The following KLRC1 variants were observed in gnomAD, a reference collection of about 807,000 sequenced individuals.
KLRC1 encodes the protein NKG2-A/NKG2-B type II integral membrane protein.
KLRC1 carries 22 observed loss-of-function variants against 25.9 expected under a neutral mutation model. The ratio of observed to expected loss-of-function variants is 0.85; its 90% CI spans 0.61 to 1.21. The LOEUF (loss-of-function observed/expected upper bound fraction) is 1.21, where lower values mean the gene tolerates loss of function less well. Ranked by LOEUF, KLRC1 falls within the 50% of genes most tolerant of loss-of-function variation. The probability of loss-of-function intolerance (pLI) is 0.00; values close to 1 mark genes in which losing one functional copy is unlikely to be tolerated. For synonymous variants in KLRC1, 77 were observed against 93.1 expected (o/e 0.83, Z 0.99); for missense variants, 240 against 272.2 (o/e 0.88, Z 0.83).
chr12:10,454,629 G>A, upstream of KLRC1: 1 of 985,312 alleles, frequency 1.0e-6, no homozygotes, highest in Non-Finnish European at 1.2e-6. Flanking sequence ...GCTGACCTCT[G>A]TCCTACAGAA....
At chr12:10,449,490 A>G (rs1004480189) in intron 4 of KLRC1, 102 bp from the exon 5 acceptor site, 2 of 1,519,634 alleles carry the variant, frequency 1.3e-6, no homozygotes, top group Non-Finnish European at 1.8e-6. Context: ...TATGCAACAT[A>G]TCTATACATC....
Position 10,449,333 on chromosome 12 carries a change from G to A in KLRC1, c.393C>T (p.Tyr131=), listed in dbSNP as rs770430465. 4.9e-5 allele frequency: 79 copies of A among 1,613,788 alleles called. No individual in the cohort carries two copies. Among genetic ancestry groups the A allele is most frequent in the Middle Eastern group, 3.3e-4 (2 of 6,080 alleles). The change falls in exon 5 of 7, where the codon TAC becomes TAT. Residue 131 remains tyrosine, a synonymous_variant. Coordinates refer to ENST00000359151, the MANE Select transcript of KLRC1 (RefSeq NM_002259.5). ...AAGTTCTTCTTTCCTTACCAATGTAGTAACAACTGTTGGAATATGTAATCC... is the reference window on the plus strand; with the variant it reads ...AAGTTCTTCTTTCCTTACCAATGTAATAACAACTGTTGGAATATGTAATCC... ...EEWITYSNSC[Y]YIGKERRTWE... is the part of the protein sequence containing the mutation.
rs190626722 is a variant in KLRC1 at position 10,446,159 on chromosome 12, T to C, written c.*392A>G. The stretch of plus-strand genomic sequence containing the variant: ...TACAACCATCACCACTACTGAAATT[T>C]AGAAAGTTTTCATCACGACACAAAG... On this transcript the variant is annotated 3_prime_UTR_variant, in exon 7 of 7. Transcript: ENST00000359151. 39 of 174,234 alleles carry C rather than the reference T, an allele frequency of 2.2e-4. No individual in the cohort carries two copies. The highest frequency in any genetic ancestry group is 1.0e-3 in the Admixed American group (18 of 18,050). 10.8% of individuals were successfully genotyped at this position (174,234 alleles called of 1,614,324 possible).
At chr12:10,442,363 A>C, downstream of KLRC1, 2 of 397,366 alleles carry the variant, frequency 5.0e-6, no homozygotes, top group Non-Finnish European at 4.6e-6. Flanking sequence ...ACAGAGTTTA[A>C]ACACTTGGTA....
In KLRC1 at chr12:10,451,126, G is replaced by C. The variant is rs1864118053; in HGVS notation, c.31C>G (p.Leu11Val). The C allele has an allele frequency of 6.2e-7, 1 of 1,613,774 alleles. No homozygotes were observed. Among genetic ancestry groups the C allele is most frequent in the African/African-American group, 1.3e-5 (1 of 74,906 alleles). MDNQGVIYSDLNLPPNPKRQQ... is the reference protein window; with the variant it reads MDNQGVIYSDVNLPPNPKRQQ... Reference sequence around the variant, plus strand: ...CTCTTTGGGTTTGGGGGCAGATTCAGGTCTGAGTAGATTACTCCTTGGTTA... The same window carrying C: ...CTCTTTGGGTTTGGGGGCAGATTCACGTCTGAGTAGATTACTCCTTGGTTA... Residue 11 changes from leucine to valine, a missense_variant, in exon 2 of 7, where the codon CTG becomes GTG. Physicochemically the swap from Leu to Val is conservative, Grantham distance 32. Coordinates refer to ENST00000359151, the MANE Select transcript of KLRC1 (RefSeq NM_002259.5).
chr12:10,444,171 A>T (rs71450058), downstream of KLRC1, among the ~76,000 whole-genome samples: 42 of 138,990 alleles, frequency 3.0e-4, 5 homozygotes, highest in South Asian at 1.1e-3. Context: ...AAAATTAAAT[A>T]ACCATTGAAT....
downstream of KLRC1, among the ~76,000 whole-genome samples, chr12:10,444,099 T>G (rs531289443): frequency 1.6e-4 from 22 of 137,800 alleles, 6 homozygotes; most frequent in African/African-American, 6.3e-4. Flanking sequence ...GAAAATAGAA[T>G]GAAAATCTCT....
chr12:10,452,178 A>G (rs113151515), intron 1 of KLRC1, among the ~76,000 whole-genome samples: 54 of 152,152 alleles, frequency 3.5e-4, no homozygotes, highest in Non-Finnish European at 6.5e-4. Context: ...TTTAATTAGT[A>G]ATTGGTAATT....
rs1432856763 is a variant in KLRC1 at position 10,451,062 on chromosome 12, A to G, written c.95T>C (p.Leu32Ser). 8 of 1,614,050 alleles carry G rather than the reference A, an allele frequency of 5.0e-6. No homozygotes were observed. The South Asian group carries it at 7.7e-5, about 16-fold the overall frequency. Residue 32 changes from leucine (L) to serine (S), a missense_variant, in exon 2 of 7, where the codon TTA becomes TCA. Coordinates refer to ENST00000359151, the MANE Select transcript of KLRC1 (RefSeq NM_002259.5). Reference protein sequence around the residue: ...RKPKGNKNSILATEQEITYAE... With the variant: ...RKPKGNKNSISATEQEITYAE... Reference sequence around the variant, plus strand: ...ATAGGTTATTTCCTGTTCAGTTGCTAAAATGGAGTTTTTATTGCCTTTAGG... The same window carrying G: ...ATAGGTTATTTCCTGTTCAGTTGCTGAAATGGAGTTTTTATTGCCTTTAGG...
intron 5 of KLRC1, 28 bp downstream of exon 5, chr12:10,449,209 T>TA: frequency 6.2e-7 from 1 of 1,613,160 alleles, no homozygotes; most frequent in Non-Finnish European, 8.5e-7. Context: ...AAGCTTTTCA[T>TA]AAAGTGTTTA....
chr12:10,444,418 G>C (rs58350988), downstream of KLRC1, among the ~76,000 whole-genome samples: 149,466 of 151,596 alleles, frequency 0.99, 73,714 homozygotes, highest in Non-Finnish European at 1. Context: ...AAATTGATAA[G>C]GGCCAGGCAC....
chr12:10,447,742 G>A (rs1391162023), intron 5 of KLRC1, 110 bp from the exon 6 acceptor site: 1 of 844,702 alleles, frequency 1.2e-6, no homozygotes. Context: ...TTTCATAAAT[G>A]TTTATAATTT....
intron 1 of KLRC1, among the ~76,000 whole-genome samples, chr12:10,452,477 T>C (rs963950579): frequency 2.6e-5 from 4 of 152,176 alleles, no homozygotes; most frequent in Non-Finnish European, 5.9e-5. Context: ...TAATCTAAAA[T>C]GGGCATAAGA....
At chr12:10,454,653 C>T (rs80180326), upstream of KLRC1, 2,407 of 984,630 alleles carry the variant, frequency 2.4e-3, 8 homozygotes, top group Non-Finnish European at 2.8e-3. Context: ...ACTAAAATGG[C>T]CCTGAATCTC....
upstream of KLRC1, among the ~76,000 whole-genome samples, chr12:10,453,899 T>C (rs913543338): frequency 3.9e-5 from 6 of 152,308 alleles, no homozygotes; most frequent in South Asian, 6.2e-4. Context: ...GATTATTTAA[T>C]CTTCAGATTA....
chr12:10,454,585 G>A, upstream of KLRC1: 1 of 984,662 alleles, frequency 1.0e-6, no homozygotes, highest in Non-Finnish European at 1.2e-6. Context: ...GACTTCCTGG[G>A]AGACATATAC....
intron 3 of KLRC1, 55 bp downstream of exon 3, chr12:10,450,429 C>A: frequency 1.1e-6 from 1 of 921,298 alleles, no homozygotes; most frequent in Non-Finnish European, 1.8e-6. Flanking sequence ...TGTTTAGAGG[C>A]ACATTCAATC....
At position 10,450,145 on chromosome 12, in the gene KLRC1, C is replaced by A. The variant is rs551454164; in HGVS notation, c.284-178G>T. 1.1e-3 allele frequency: 528 copies of A among 494,006 alleles called. 7 individuals carry two copies. The highest frequency in any genetic ancestry group is 1.1e-3 in the Middle Eastern group (2 of 1,746). The allele number at this position is 494,006 out of a possible 1,614,324, so 30.6% of individuals were successfully genotyped here. ...TTTTTTGGAAAAGTATTTCATAGAT[C>A]TAAAGAACCAAATTTCACCATCTCA... On this transcript the variant is annotated intron_variant, in intron 3 of 6. Transcript: ENST00000359151.
At chr12:10,452,711 A>G (rs897971276) in intron 1 of KLRC1, among the ~76,000 whole-genome samples, 1 of 152,080 alleles carries the variant, frequency 6.6e-6, no homozygotes, top group Non-Finnish European at 1.5e-5. Flanking sequence ...AAGTATTTTT[A>G]TTGCTTTGTA....
Sources: gnomAD v4.1 joint callset for allele counts (sites outside exome capture counted in the v4.1 genomes callset) on GRCh38, gnomAD v4.1.1 for gene constraint, MANE v1.5 for transcripts, NCBI Gene and HGNC (gene_info 2026-07-23, HGNC 2026-07-21) for gene names.